The following PTPRT variants were observed in gnomAD, a reference collection of about 807,000 sequenced individuals.
PTPRT encodes the protein protein tyrosine phosphatase receptor type T, also known as receptor-type tyrosine-protein phosphatase T.
In PTPRT, 56 loss-of-function variants were observed where a neutral mutation model predicts 176.8. The observed-to-expected ratio is 0.32, with a 90% CI of 0.26 to 0.40. The LOEUF is 0.40. Among genes scored for constraint, PTPRT ranks in the 10% least tolerant of loss-of-function variants. The pLI, the probability that PTPRT is intolerant of heterozygous loss-of-function variation, is 1.00. For missense variants in PTPRT, 1,540 were observed against 1,908.2 expected (o/e 0.81, Z 3.60); for synonymous variants, 783 against 739.0 (o/e 1.06, Z -0.96).
chr20:42,526,956 CTTTT>C (rs915511549), intron 7 of PTPRT, among the ~76,000 whole-genome samples: 5 of 78,714 alleles, frequency 6.4e-5, no homozygotes, highest in African/African-American at 9.7e-5. Context: ...GTTCTTTTTT[CTTTT>C]TTTTTTTTTT....
At chr20:43,184,679 A>G (rs2015346472) in intron 1 of PTPRT, among the ~76,000 whole-genome samples, 1 of 149,926 alleles carries the variant, frequency 6.7e-6, no homozygotes, top group Non-Finnish European at 1.5e-5. Flanking sequence ...GAGCAGTGAG[A>G]CTCTGTCTAA....
chr20:42,863,345 G>C (rs1463417527), intron 2 of PTPRT, among the ~76,000 whole-genome samples: 1 of 152,232 alleles, frequency 6.6e-6, no homozygotes, highest in African/African-American at 2.4e-5. Flanking sequence ...ACTTCCAGCA[G>C]AGAATCAGGA....
At chr20:42,345,411 T>A (rs1019876699) in intron 11 of PTPRT, among the ~76,000 whole-genome samples, 2 of 143,646 alleles carry the variant, frequency 1.4e-5, no homozygotes, top group African/African-American at 2.6e-5. Context: ...ATAAAACTAG[T>A]TACTATAGAT....
chr20:42,516,652 A>C (rs992155423), intron 7 of PTPRT, among the ~76,000 whole-genome samples: 9 of 152,152 alleles, frequency 5.9e-5, no homozygotes, highest in Non-Finnish European at 1.3e-4. Context: ...ATTTGTACTT[A>C]GAAGTAGAAT....
chr20:42,372,842 C>G (rs1429105776), intron 9 of PTPRT, among the ~76,000 whole-genome samples: 1 of 152,104 alleles, frequency 6.6e-6, no homozygotes, highest in African/African-American at 2.4e-5. Context: ...GAGAACCCAC[C>G]CCAGACACCT....
chr20:42,071,222 A>G (rs1286658130), downstream of PTPRT, among the ~76,000 whole-genome samples: 5 of 152,198 alleles, frequency 3.3e-5, no homozygotes, highest in African/African-American at 4.8e-5. Context: ...GCTCAGGCTT[A>G]TATCTGGACA....
Position 42,515,778 on chromosome 20 carries a change from C to G in PTPRT, c.1154-43216G>C, listed in dbSNP as rs188903102. Among the ~76,000 whole-genome samples the G allele has an allele frequency of 2.6e-5, 4 of 152,068 alleles. No homozygotes were observed. The East Asian group carries it at 7.8e-4, about 30-fold the overall frequency. On this transcript the variant is annotated intron_variant, in intron 7 of 30. Transcript: ENST00000373187. ...GGTATATACCCAAAGGACTATAAAT[C>G]ATGCTGCTATAAAGACACATGCACA...
chr20:42,526,045 A>G (rs757718442), intron 7 of PTPRT, among the ~76,000 whole-genome samples: 1 of 151,796 alleles, frequency 6.6e-6, no homozygotes, highest in Non-Finnish European at 1.5e-5. Context: ...GGCCATTGAT[A>G]TGTTTGCTTG....
At chr20:42,750,808 G>C (rs1254957581) in intron 6 of PTPRT, among the ~76,000 whole-genome samples, 1 of 152,114 alleles carries the variant, frequency 6.6e-6, no homozygotes, top group African/African-American at 2.4e-5. Flanking sequence ...TGAAATTGAA[G>C]ACACTCAGAA....
At chr20:42,869,976 A>G (rs1412620786) in intron 2 of PTPRT, among the ~76,000 whole-genome samples, 1 of 152,210 alleles carries the variant, frequency 6.6e-6, no homozygotes, top group African/African-American at 2.4e-5. Flanking sequence ...ATAGCATTCA[A>G]GCCACCATCT....
chr20:42,527,078 C>T (rs1169709597), intron 7 of PTPRT, among the ~76,000 whole-genome samples: 2 of 151,190 alleles, frequency 1.3e-5, no homozygotes, highest in African/African-American at 2.4e-5. Flanking sequence ...ATTCTCCTGC[C>T]TCAGCCTCCC....
intron 7 of PTPRT, among the ~76,000 whole-genome samples, chr20:42,527,614 GA>G (rs1399967402): frequency 1.5e-4 from 23 of 152,212 alleles, no homozygotes; most frequent in African/African-American, 5.3e-4. Context: ...AGAAGGAGCA[GA>G]AGGGTCTTTG....
At chr20:42,246,511 G>A (rs934975814) in intron 14 of PTPRT, among the ~76,000 whole-genome samples, 1 of 152,278 alleles carries the variant, frequency 6.6e-6, no homozygotes, top group Non-Finnish European at 1.5e-5. Context: ...ATAGACATGA[G>A]AGTTGATGAA....
At chr20:42,185,116 C>A (rs1042791745) in intron 16 of PTPRT, among the ~76,000 whole-genome samples, 1 of 152,128 alleles carries the variant, frequency 6.6e-6, no homozygotes, top group African/African-American at 2.4e-5. Context: ...GCTGCCAGGA[C>A]AAGTGGTGTG....
intron 2 of PTPRT, among the ~76,000 whole-genome samples, chr20:42,839,761 T>C (rs1286729219): frequency 6.6e-6 from 1 of 152,124 alleles, no homozygotes; most frequent in Non-Finnish European, 1.5e-5. Flanking sequence ...GGATCCCTTG[T>C]TTAAGATCTT....
the PTPRT span, among the ~76,000 whole-genome samples, chr20:42,034,349 C>A: frequency 6.6e-6 from 1 of 152,036 alleles, no homozygotes; most frequent in African/African-American, 2.4e-5. Context: ...CAGCTTGCTT[C>A]ATCAGAGCAA....
chr20:42,887,652 G>A (rs1342522465), intron 1 of PTPRT, among the ~76,000 whole-genome samples: 3 of 152,314 alleles, frequency 2.0e-5, no homozygotes, highest in Admixed American at 6.5e-5. Flanking sequence ...GGATAGTGGT[G>A]GTGGACATCC....
chr20:42,524,795 C>A (rs1224210343), intron 7 of PTPRT, among the ~76,000 whole-genome samples: 16 of 151,814 alleles, frequency 1.1e-4, no homozygotes, highest in Admixed American at 6.6e-5. Context: ...TCATGTTTTC[C>A]TTTTTTTTCT....
chr20:42,945,220 T>C (rs1980807617), intron 1 of PTPRT, among the ~76,000 whole-genome samples: 1 of 151,984 alleles, frequency 6.6e-6, no homozygotes, highest in Admixed American at 6.6e-5. Flanking sequence ...TGTATTTATC[T>C]ACAATGATCT....
Sources: allele counts gnomAD v4.1 joint callset (sites outside exome capture counted in the v4.1 genomes callset), GRCh38; gene constraint gnomAD v4.1.1; transcripts MANE v1.5; gene names NCBI Gene and HGNC (gene_info 2026-07-23, HGNC 2026-07-21).